Variants in BRSK2 observed in about 807,000 individuals in gnomAD.
BRSK2 encodes serine/threonine-protein kinase BRSK2.
Under a neutral mutation model 83.3 loss-of-function variants are expected in BRSK2, and 19 were observed. The ratio of observed to expected loss-of-function variants is 0.23; its 90% CI spans 0.16 to 0.33. The LOEUF (loss-of-function observed/expected upper bound fraction) is 0.33, where lower values mean the gene tolerates loss of function less well. Ranked by LOEUF, BRSK2 falls within the 10% of genes least tolerant of loss-of-function variation. The pLI, the probability that BRSK2 is intolerant of heterozygous loss-of-function variation, is 1.00. For missense variants in BRSK2, 798 were observed against 1,042.3 expected (o/e 0.77, Z 3.23); for synonymous variants, 519 against 435.4 (o/e 1.19, Z -2.39).
chr11:1,392,019 C>A (rs751595404), intron 1 of BRSK2, among the ~76,000 whole-genome samples: 1 of 152,142 alleles, frequency 6.6e-6, no homozygotes, highest in Non-Finnish European at 1.5e-5. Context: ...TAGAAAACAG[C>A]TCGAGGGGGG....
rs765772158 is a variant in BRSK2, at chr11:1,450,616, T to C, written c.1317T>C (p.Ser439=). 1 of 1,592,508 alleles carries C rather than the reference T, an allele frequency of 6.3e-7. No homozygotes were observed. Among genetic ancestry groups the C allele is most frequent in the Non-Finnish European group, 8.5e-7 (1 of 1,172,098 alleles). Residue 439 remains serine (S), a synonymous_variant, in exon 14 of 20, where the codon AGT becomes AGC. Transcript: ENST00000528841. ...CCCCTCACCCCTCACCAAGGGGCAG[T>C]CCCCTCCCCACCCCCAAGGGGACAC... The part of the protein sequence containing the change: ...RVTPHPSPRG[S]PLPTPKGTPV...
At position 1,438,492 on chromosome 11, in the gene BRSK2, G is replaced by A; in HGVS notation, c.272+101G>A. The A allele has an allele frequency of 4.6e-6, 5 of 1,092,992 alleles. No individual in the cohort carries two copies. The highest frequency in any genetic ancestry group is 6.8e-6 in the Non-Finnish European group (5 of 730,626). 67.7% of individuals were successfully genotyped at this position (1,092,992 alleles called of 1,614,324 possible). A position where few individuals can be genotyped will look rare whatever the true frequency, so the allele number is the denominator to read the frequency against. On this transcript the variant is annotated intron_variant, in intron 3 of 19. Transcript: ENST00000528841. The surrounding 1 kb of genome is among the most constrained non-coding windows in gnomAD (Gnocchi z 6.4). ...TGGGGAGCACAGGGGCTGGAGGCCA[G>A]GGGCGCCTGCTGCATCCCAGCAGCC...
At chr11:1,421,616 G>A (rs1014829717) in intron 1 of BRSK2, among the ~76,000 whole-genome samples, 2 of 152,202 alleles carry the variant, frequency 1.3e-5, no homozygotes, top group African/African-American at 2.4e-5. Context: ...ACTGGTGGGC[G>A]GTGGAGGCTG....
chr11:1,445,312 C>A lies in BRSK2; in HGVS notation c.831C>A (p.Pro277=). 6.2e-7 allele frequency: 1 copy of A among 1,610,162 alleles called. No homozygotes were observed. The change falls in exon 10 of 20, where the codon CCC becomes CCA. Residue 277 remains proline (P), a synonymous_variant. Coordinates refer to ENST00000528841, the MANE Select transcript of BRSK2 (RefSeq NM_001256627.2). ...HIWYIGGKNE[P]EPEQPIPRKV... ...TCCACAGAGGGGGCAAGAATGAGCC[C>A]GAACCAGAGCAGCCCATTCCTCGCA...
At position 1,390,631 on chromosome 11, in the gene BRSK2, G is replaced by A. The variant is rs1845664840; in HGVS notation, c.91+256G>A. Among the ~76,000 whole-genome samples the A allele has an allele frequency of 6.8e-6, 1 of 147,228 alleles. No individual in the cohort carries two copies. Among genetic ancestry groups the A allele is most frequent in the Non-Finnish European group, 1.5e-5 (1 of 66,172 alleles). ...GCGGCGCGGGGCGCGCAGGCGGACA[G>A]GGGCGCACGGGACGGCGCCCCTCGG... On this transcript the variant is annotated intron_variant, in intron 1 of 19. Coordinates refer to ENST00000528841, the MANE Select transcript of BRSK2 (RefSeq NM_001256627.2). The surrounding 1 kb of genome is among the most constrained non-coding windows in gnomAD (Gnocchi z 6.8).
intron 1 of BRSK2, among the ~76,000 whole-genome samples, chr11:1,403,613 T>C (rs1846637853): frequency 2.6e-5 from 4 of 152,210 alleles, no homozygotes; most frequent in Admixed American, 2.6e-4. Flanking sequence ...TCTGACGGTG[T>C]GTCCTGAGCT....
chr11:1,410,744 A>ATTCTCAGGGG, intron 1 of BRSK2: 1 of 985,208 alleles, frequency 1.0e-6, no homozygotes. Context: ...CTGGTCCTCC[A>ATTCTCAGGGG]TTCTCAGGGG....
At position 1,445,000 on chromosome 11, in the gene BRSK2, T is replaced by C; in HGVS notation, c.810T>C (p.Tyr270=). The C allele has an allele frequency of 6.2e-7, 1 of 1,612,766 alleles. No homozygotes were observed. The highest frequency in any genetic ancestry group is 8.5e-7 in the Non-Finnish European group (1 of 1,178,886). ...TLEHIQKHIW[Y]IGGKNEPEPE... is the part of the protein sequence containing the mutation. ...AGCACATTCAGAAACACATATGGTA[T>C]ATGTAAGTAGCTTTTCCACCCACTA... The change falls in exon 9 of 20, where the codon TAT becomes TAC. Residue 270 remains tyrosine (Y), a splice_region_variant and synonymous_variant. Coordinates refer to ENST00000528841, the MANE Select transcript of BRSK2 (RefSeq NM_001256627.2).
At chr11:1,437,312 C>G (rs549086628) in intron 2 of BRSK2, among the ~76,000 whole-genome samples, 1 of 152,148 alleles carries the variant, frequency 6.6e-6, no homozygotes, top group African/African-American at 2.4e-5. Flanking sequence ...GGGCTGGGAC[C>G]CCATCACAAG....
rs567209661 is a variant in BRSK2 at position 1,411,334 on chromosome 11, C to T, written c.91+20959C>T. ...TGGGGTCCTGAAGCTGGGGCCGGAG[C>T]AGGGGGCACAGTTCTGCCCCATCTG... is the stretch of plus-strand genomic sequence containing the variant. On this transcript the variant is annotated intron_variant, in intron 1 of 19. Coordinates refer to ENST00000528841, the MANE Select transcript of BRSK2 (RefSeq NM_001256627.2). 21 of 1,384,434 alleles carry T rather than the reference C, an allele frequency of 1.5e-5. No homozygotes were observed. The Middle Eastern group carries it at 8.5e-4, about 56-fold the overall frequency. The allele number at this position is 1,384,434 out of a possible 1,614,324, so 85.8% of individuals were successfully genotyped here.
rs550747240 is a variant in BRSK2 at position 1,423,847 on chromosome 11, C to T, written c.92-12193C>T. ...CCCCAGGCCTCCCCCGCTGAGTGTT[C>T]CCGGTGCCCCTGGGCCTGCAGAAGT... On this transcript the variant is annotated intron_variant, in intron 1 of 19. Coordinates refer to ENST00000528841, the MANE Select transcript of BRSK2 (RefSeq NM_001256627.2). The surrounding 1 kb of genome is among the most constrained non-coding windows in gnomAD (Gnocchi z 6.5). Among the ~76,000 whole-genome samples, 402 of 151,830 alleles carry T rather than the reference C, an allele frequency of 2.6e-3. No individual in the cohort carries two copies. The highest frequency in any genetic ancestry group is 4.3e-3 in the Non-Finnish European group (294 of 67,868).
chr11:1,436,250 G>GGGGGGGGGGGGGGGGGCCCCCCCCCC, intron 2 of BRSK2, 116 bp downstream of exon 2: 1 of 168,876 alleles, frequency 5.9e-6, no homozygotes, highest in Middle Eastern at 2.4e-3. Flanking sequence ...GGGGGGGCGG[G>GGGGGGGGGGGGGGGGGCCCCCCCCCC]CCCTGCAGGC....
At chr11:1,403,668 C>T (rs569268863) in intron 1 of BRSK2, among the ~76,000 whole-genome samples, 1 of 152,336 alleles carries the variant, frequency 6.6e-6, no homozygotes, top group Non-Finnish European at 1.5e-5. Context: ...CCTTAGGTCC[C>T]TCACCTGCTG....
At chr11:1,439,691 T>C (rs907962396) in intron 3 of BRSK2, among the ~76,000 whole-genome samples, 1 of 151,770 alleles carries the variant, frequency 6.6e-6, no homozygotes, top group African/African-American at 2.4e-5. Flanking sequence ...ATGCTGAGCC[T>C]TGGGCCTGGC....
Position 1,445,866 on chromosome 11 carries a change from G to C in BRSK2, c.1185G>C (p.Val395=). 3 of 1,611,848 alleles carry C rather than the reference G, an allele frequency of 1.9e-6. No homozygotes were observed. Among genetic ancestry groups the C allele is most frequent in the Non-Finnish European group, 2.5e-6 (3 of 1,179,418 alleles). The change falls in exon 12 of 20, where the codon GTG becomes GTC. Residue 395 remains valine, a synonymous_variant. Transcript: ENST00000528841. ...VLSVTDGGSP[V]PARRAIEMAQ... is the part of the protein sequence containing the mutation. ...GCGTGACGGACGGCGGCTCCCCGGT[G>C]CCTGCGCGGCGGGCCATTGAGATGG...
Position 1,436,116 on chromosome 11 carries a change from C to T in BRSK2, c.168C>T (p.Ser56=), listed in dbSNP as rs1022455876. The T allele has an allele frequency of 1.5e-5, 21 of 1,430,122 alleles. No homozygotes were observed. The African/African-American group carries it at 2.0e-4, about 14-fold the overall frequency. 88.6% of individuals were successfully genotyped at this position (1,430,122 alleles called of 1,614,324 possible). A position where few individuals can be genotyped will look rare whatever the true frequency, so the allele number is the denominator to read the frequency against. ...AGATCGTCAACCGTGAGAAGCTCAGCGAGTCGGTGCTGATGAAGGTGGGTG... is the reference window on the plus strand; with the variant it reads ...AGATCGTCAACCGTGAGAAGCTCAGTGAGTCGGTGCTGATGAAGGTGGGTG... ...AIKIVNREKL[S]ESVLMKVERE... The change falls in exon 2 of 20, where the codon AGC becomes AGT. Residue 56 remains serine, a synonymous_variant. Coordinates refer to ENST00000528841, the MANE Select transcript of BRSK2 (RefSeq NM_001256627.2).
rs1280994254 is a variant in BRSK2, at chr11:1,390,292, C to A, written c.8C>A (p.Ser3Ter). MT[S>*]TGKDGGAQHA... ...GCGCCGGGCCCCAGAGCGATGACAT[C>A]GACGGGGAAGGACGGCGGCGCGCAG... The change falls in exon 1 of 20, where the codon TCG (serine) becomes TAG (stop). Residue 3 changes from serine to a stop codon, truncating the protein, a stop_gained. Transcript: ENST00000528841. LOFTEE classifies it high-confidence loss of function. This position sits in a 1 kb window ranked among gnomAD's most constrained non-coding sequence, Gnocchi z 6.8. 1 of 1,030,852 alleles carries A rather than the reference C, an allele frequency of 9.7e-7. No individual in the cohort carries two copies. Among genetic ancestry groups the A allele is most frequent in the Non-Finnish European group, 1.2e-6 (1 of 850,644 alleles). The allele number at this position is 1,030,852 out of a possible 1,614,324, so 63.9% of individuals were successfully genotyped here. A position where few individuals can be genotyped will look rare whatever the true frequency, so the allele number is the denominator to read the frequency against.
rs1252355922 is a variant in BRSK2, at chr11:1,445,840, A to G, written c.1159A>G (p.Ser387Gly). ...AGAACGCAAATCCATGGAGGTGCTC[A>G]GCGTGACGGACGGCGGCTCCCCGGT... Reference protein sequence around the residue: ...RPERKSMEVLSVTDGGSPVPA... With the variant: ...RPERKSMEVLGVTDGGSPVPA... Residue 387 changes from serine to glycine, a missense_variant, in exon 12 of 20, where the codon AGC becomes GGC. This residue lies in a region of BRSK2 where 51 missense variants were observed against 52.6 expected (regional missense o/e 0.97). Coordinates refer to ENST00000528841, the MANE Select transcript of BRSK2 (RefSeq NM_001256627.2). The G allele has an allele frequency of 1.9e-6, 3 of 1,612,280 alleles. No individual in the cohort carries two copies. The highest frequency in any genetic ancestry group is 3.3e-5 in the Admixed American group (2 of 59,984).
rs1227694742 is a variant in BRSK2, at chr11:1,454,157, A to AG, written c.1545-321dup. 6 of 99,746 alleles carry AG rather than the reference A, an allele frequency of 6.0e-5. No individual in the cohort carries two copies. Among genetic ancestry groups the AG allele is most frequent in the Admixed American group, 1.2e-4 (1 of 8,528 alleles). The allele number at this position is 99,746 out of a possible 1,614,324, so 6.2% of individuals were successfully genotyped here. A position where few individuals can be genotyped will look rare whatever the true frequency, so the allele number is the denominator to read the frequency against. Reference sequence around the variant, plus strand: ...GCCACCTCTCACAGCGGCCTTGGTGAGGGGGGGCTCACCTGTGGGGGGCTC... The same window carrying AG: ...GCCACCTCTCACAGCGGCCTTGGTGAGGGGGGGGCTCACCTGTGGGGGGCTC... On this transcript the variant is annotated intron_variant, in intron 15 of 19. Coordinates refer to ENST00000528841, the MANE Select transcript of BRSK2 (RefSeq NM_001256627.2). This position sits in a 1 kb window ranked among gnomAD's most constrained non-coding sequence, Gnocchi z 5.2.
Sources: allele counts gnomAD v4.1 joint callset (sites outside exome capture counted in the v4.1 genomes callset), GRCh38; gene constraint gnomAD v4.1.1; regional missense constraint gnomAD v4.1.1; non-coding constraint Gnocchi (gnomAD v3.1); transcripts MANE v1.5; gene names NCBI Gene and HGNC (gene_info 2026-07-23, HGNC 2026-07-21).